The following DOK6 variants were observed in gnomAD, a reference collection of about 807,000 sequenced individuals.
DOK6 encodes the protein docking protein 6.
In DOK6, 22 loss-of-function variants were observed where a neutral mutation model predicts 44.0. The ratio of observed to expected loss-of-function variants is 0.50; its 90% CI spans 0.36 to 0.71. The LOEUF is 0.71. Ranked by LOEUF, DOK6 falls within the 30% of genes least tolerant of loss-of-function variation. The pLI, the probability that DOK6 is intolerant of heterozygous loss-of-function variation, is 0.00. For missense variants in DOK6, 340 were observed against 416.4 expected (o/e 0.82, Z 1.60); for synonymous variants, 166 against 145.5 (o/e 1.14, Z -1.01).
chr18:69,693,769 T>A (rs921368670), intron 4 of DOK6, among the ~76,000 whole-genome samples: 1 of 151,838 alleles, frequency 6.6e-6, no homozygotes, highest in Non-Finnish European at 1.5e-5. Flanking sequence ...ATAAAATAGA[T>A]CTATTTAGGC....
intron 4 of DOK6, among the ~76,000 whole-genome samples, chr18:69,678,184 G>A (rs556641997): frequency 6.6e-6 from 1 of 152,244 alleles, no homozygotes; most frequent in Non-Finnish European, 1.5e-5. Flanking sequence ...GGGAGGCAGA[G>A]GTTGCAATGA....
intron 7 of DOK6, among the ~76,000 whole-genome samples, chr18:69,782,694 G>C (rs994618055): frequency 1.3e-5 from 2 of 151,998 alleles, no homozygotes; most frequent in African/African-American, 4.8e-5. Flanking sequence ...AACCCAGGAA[G>C]TGGAGGTTGC....
In DOK6 at chr18:69,641,949, A is replaced by G. The variant is rs142391736; in HGVS notation, c.290-35785A>G. Among the ~76,000 whole-genome samples, 440 of 152,292 alleles carry G rather than the reference A, an allele frequency of 2.9e-3. 1 individual carries two copies. Among genetic ancestry groups the G allele is most frequent in the African/African-American group, 0.01 (420 of 41,576 alleles). The stretch of plus-strand genomic sequence containing the variant: ...CTGTTTAAAGCAACGATGCCAGTGC[A>G]TTTTTATTTCATTAGGGGCATTTAT... On this transcript the variant is annotated intron_variant, in intron 3 of 7. Transcript: ENST00000382713.
At chr18:69,757,267 T>C (rs2144754005) in intron 6 of DOK6, among the ~76,000 whole-genome samples, 1 of 152,242 alleles carries the variant, frequency 6.6e-6, no homozygotes, top group Non-Finnish European at 1.5e-5. Context: ...TAAGGAAAAA[T>C]GTTTAGCGAT....
chr18:69,790,852 T>C (rs56305545), intron 7 of DOK6, among the ~76,000 whole-genome samples: 2,615 of 152,204 alleles, frequency 0.017, 67 homozygotes, highest in African/African-American at 0.058. Context: ...GTGGCCATCC[T>C]GTTGTGCTAT....
At position 69,591,605 on chromosome 18, in the gene DOK6, T is replaced by G. The variant is rs926893455; in HGVS notation, c.175-7779T>G. 3.9e-5 allele frequency among the ~76,000 whole-genome samples: 6 copies of G among 152,178 alleles called. No homozygotes were observed. The South Asian group carries it at 1.0e-3, about 26-fold the overall frequency. ...AGAGACTAAGGTCGATATTAAATAT[T>G]TTTTTAAAAATATGTATAATAAAAT... On this transcript the variant is annotated intron_variant, in intron 2 of 7. Transcript: ENST00000382713.
chr18:69,578,034 G>T (rs1262590685), intron 2 of DOK6, among the ~76,000 whole-genome samples: 1 of 151,788 alleles, frequency 6.6e-6, no homozygotes, highest in East Asian at 1.9e-4. Flanking sequence ...TAACAAACCT[G>T]CACGTTCTGC....
chr18:69,655,268 T>C (rs969755343), intron 3 of DOK6, among the ~76,000 whole-genome samples: 1 of 151,936 alleles, frequency 6.6e-6, no homozygotes, highest in African/African-American at 2.4e-5. Flanking sequence ...TAATTTTATT[T>C]AAAATAAATA....
intron 7 of DOK6, among the ~76,000 whole-genome samples, chr18:69,767,080 A>C (rs1979739538): frequency 6.6e-6 from 1 of 152,108 alleles, no homozygotes; most frequent in Non-Finnish European, 1.5e-5. Flanking sequence ...TACCAAAAAA[A>C]AATTAGCCAG....
chr18:69,498,071 C>G (rs1056630519), intron 1 of DOK6, among the ~76,000 whole-genome samples: 1 of 151,994 alleles, frequency 6.6e-6, no homozygotes, highest in Non-Finnish European at 1.5e-5. Flanking sequence ...CACACACACA[C>G]AGACACACAA....
chr18:69,807,900 A>G (rs1373276596), intron 7 of DOK6, among the ~76,000 whole-genome samples: 2 of 151,894 alleles, frequency 1.3e-5, no homozygotes, highest in African/African-American at 4.8e-5. Flanking sequence ...GAGAAAAAAA[A>G]TCAATAAGGA....
intron 5 of DOK6, among the ~76,000 whole-genome samples, chr18:69,734,393 C>A (rs1174608142): frequency 5.5e-3 from 269 of 48,478 alleles, no homozygotes; most frequent in African/African-American, 0.012. Context: ...TTCATAGCAG[C>A]AAAAAAAAAA....
chr18:69,573,628 A>G (rs1983169721), intron 2 of DOK6, among the ~76,000 whole-genome samples: 2 of 151,770 alleles, frequency 1.3e-5, no homozygotes, highest in African/African-American at 4.8e-5. Flanking sequence ...CAGTAGTACA[A>G]ATTTTAAGGT....
intron 7 of DOK6, among the ~76,000 whole-genome samples, chr18:69,773,519 A>C (rs973956131): frequency 6.6e-6 from 1 of 152,044 alleles, no homozygotes. Context: ...AAAAGATAGA[A>C]ATCCTGCCAT....
chr18:69,774,666 C>A (rs987211896), intron 7 of DOK6, among the ~76,000 whole-genome samples: 2 of 151,706 alleles, frequency 1.3e-5, no homozygotes, highest in Non-Finnish European at 2.9e-5. Flanking sequence ...AATCATTCAG[C>A]GTGCAACAGA....
intron 1 of DOK6, among the ~76,000 whole-genome samples, chr18:69,519,553 G>T (rs370417178): frequency 6.6e-6 from 1 of 152,032 alleles, no homozygotes; most frequent in African/African-American, 2.4e-5. Context: ...TGGCTAAAAT[G>T]TTAGGTGTAT....
At chr18:69,522,201 A>C (rs1312678080) in intron 1 of DOK6, among the ~76,000 whole-genome samples, 2 of 151,654 alleles carry the variant, frequency 1.3e-5, no homozygotes, top group African/African-American at 4.8e-5. Flanking sequence ...TGTTGGTTCA[A>C]AACAAACCAC....
intron 1 of DOK6, among the ~76,000 whole-genome samples, chr18:69,536,106 C>T (rs1235152815): frequency 6.6e-6 from 1 of 152,056 alleles, no homozygotes; most frequent in Non-Finnish European, 1.5e-5. Flanking sequence ...GCCAAATAGT[C>T]CCTGAGTATA....
At chr18:69,818,590 G>C (rs1398182988) in intron 7 of DOK6, among the ~76,000 whole-genome samples, 1 of 152,122 alleles carries the variant, frequency 6.6e-6, no homozygotes, top group Non-Finnish European at 1.5e-5. Flanking sequence ...TCGCCCAAAT[G>C]ACCTAGGATA....
Sources: allele counts gnomAD v4.1 joint callset (sites outside exome capture counted in the v4.1 genomes callset), GRCh38; gene constraint gnomAD v4.1.1; transcripts MANE v1.5; gene names NCBI Gene and HGNC (gene_info 2026-07-23, HGNC 2026-07-21).